Variants in DAW1 observed in about 807,000 individuals in gnomAD.
DAW1 encodes the protein dynein assembly factor with WD repeat domains 1.
In DAW1, 47 loss-of-function variants were observed where a neutral mutation model predicts 56.5. That is an observed-to-expected ratio of 0.83 (90% CI 0.66 to 1.06). DAW1 has a LOEUF of 1.06. DAW1 is among the 50% of genes least tolerant of loss of function. DAW1 has a pLI of 0.00. For missense variants in DAW1, 505 were observed against 499.3 expected, an observed-to-expected ratio of 1.01 and a Z score of -0.11; for synonymous variants, 190 against 179.0, an observed-to-expected ratio of 1.06 and a Z score of -0.49.
At chr2:227,872,830 C>A (rs1349371722) in intron 1 of DAW1, among the ~76,000 whole-genome samples, 1 of 152,138 alleles carries the variant, frequency 6.6e-6, no homozygotes, top group Non-Finnish European at 1.5e-5. Context: ...CCTAGTCCAA[C>A]CCTCCATTCC....
chr2:227,888,431 T>G (rs1691179816), intron 2 of DAW1, among the ~76,000 whole-genome samples: 1 of 152,218 alleles, frequency 6.6e-6, no homozygotes, highest in Non-Finnish European at 1.5e-5. Flanking sequence ...CTGACCTCGA[T>G]GAAGAAGGCG....
intron 2 of DAW1, among the ~76,000 whole-genome samples, chr2:227,889,044 T>C (rs1018446078): frequency 2.6e-5 from 4 of 152,170 alleles, no homozygotes; most frequent in African/African-American, 9.7e-5. Flanking sequence ...AAAATAATTA[T>C]GATAAAAGCA....
At chr2:227,887,923 G>A (rs1440740406) in intron 2 of DAW1, among the ~76,000 whole-genome samples, 5 of 152,194 alleles carry the variant, frequency 3.3e-5, no homozygotes, top group Non-Finnish European at 2.9e-5. Flanking sequence ...GGGTTGGAGC[G>A]TGTAGATTAT....
intron 5 of DAW1, among the ~76,000 whole-genome samples, chr2:227,894,452 A>G (rs1574656393): frequency 6.6e-6 from 1 of 152,100 alleles, no homozygotes; most frequent in Non-Finnish European, 1.5e-5. Flanking sequence ...TATGCTTCCA[A>G]GGATCGCACG....
At position 227,889,992 on chromosome 2, in the gene DAW1, C is replaced by G. The variant is rs927205318; in HGVS notation, c.250C>G (p.Leu84Val). ...CCAGAACAGCAATCACACGTTCTAT[C>G]TTTTTAAGGTAATGGATTTAAAAAC... Reference protein sequence around the residue: ...LGQNSNHTFYLFKVLKAHILP... With the variant: ...LGQNSNHTFYVFKVLKAHILP... The change falls in exon 3 of 13, where the codon CTT becomes GTT. Residue 84 changes from leucine to valine, a missense_variant. Transcript: ENST00000309931. The G allele has an allele frequency of 1.1e-5, 17 of 1,578,808 alleles. No individual in the cohort carries two copies. Among genetic ancestry groups the G allele is most frequent in the Non-Finnish European group, 1.5e-5 (17 of 1,167,210 alleles).
intron 1 of DAW1, 31 bp downstream of exon 1, chr2:227,871,760 C>G (rs749939534): frequency 6.2e-7 from 1 of 1,613,250 alleles, no homozygotes; most frequent in Non-Finnish European, 8.5e-7. Flanking sequence ...GTCATCCCCA[C>G]GTGGGACCCT....
chr2:227,897,729 C>T (rs1021395434), intron 5 of DAW1, among the ~76,000 whole-genome samples: 2 of 152,112 alleles, frequency 1.3e-5, no homozygotes, highest in African/African-American at 4.8e-5. Flanking sequence ...GGACAAGCAC[C>T]GTCTAAATTC....
chr2:227,911,338 A>G (rs944587036), intron 10 of DAW1, among the ~76,000 whole-genome samples: 27 of 139,274 alleles, frequency 1.9e-4, no homozygotes, highest in African/African-American at 6.2e-4. Flanking sequence ...ACATGTGTAT[A>G]TATACACATG....
chr2:227,875,454 C>T (rs915721365), intron 1 of DAW1, among the ~76,000 whole-genome samples: 1 of 152,136 alleles, frequency 6.6e-6, no homozygotes, highest in African/African-American at 2.4e-5. Context: ...CTGTTGCTTC[C>T]CTGACCTCAC....
intron 10 of DAW1, among the ~76,000 whole-genome samples, chr2:227,909,449 T>C (rs1415776676): frequency 2.0e-5 from 3 of 149,622 alleles, no homozygotes; most frequent in East Asian, 1.9e-4. Context: ...AGTATATAAA[T>C]ACACACACAC....
chr2:227,904,936 C>G lies in DAW1; in HGVS notation c.656C>G (p.Ser219Cys). ...TATCTGCTCTTTTTCTAGGGACATT[C>G]TGCCGAAATCATCTCCTTGTCATTT... ...GEEVYTLRGHSAEIISLSFNT... is the reference protein window; with the variant it reads ...GEEVYTLRGHCAEIISLSFNT... Residue 219 changes from serine (S) to cysteine (C), a missense_variant, in exon 8 of 13, where the codon TCT becomes TGT. Coordinates refer to ENST00000309931, the MANE Select transcript of DAW1 (RefSeq NM_178821.3). The G allele has an allele frequency of 6.2e-7, 1 of 1,612,558 alleles. No homozygotes were observed. The highest frequency in any genetic ancestry group is 8.5e-7 in the Non-Finnish European group (1 of 1,179,184).
At chr2:227,921,263 G>T (rs1692099769) in intron 11 of DAW1, 136 bp from the exon 12 acceptor site, 2 of 922,492 alleles carry the variant, frequency 2.2e-6, no homozygotes, top group East Asian at 2.7e-5. Flanking sequence ...TTCTATGCAA[G>T]AATAAATACC....
rs556409280 is a variant in DAW1, at chr2:227,921,305, C to CTTTTTTTTTT, written c.1051-75_1051-66dup. ...GGAAGGTGACATGTGCTGTAATGTC[C>CTTTTTTTTTT]TTTTTTTTTTTTTTTTTTTTTTTTT... On this transcript the variant is annotated intron_variant, in intron 11 of 12. Transcript: ENST00000309931. The CTTTTTTTTTT allele has an allele frequency of 1.1e-4, 50 of 436,388 alleles. 3 individuals are homozygous for CTTTTTTTTTT. The African/African-American group carries it at 2.0e-3, about 17-fold the overall frequency. 27.0% of individuals were successfully genotyped at this position (436,388 alleles called of 1,614,324 possible).
intron 10 of DAW1, among the ~76,000 whole-genome samples, chr2:227,913,242 T>C (rs1691872419): frequency 6.6e-6 from 1 of 152,208 alleles, no homozygotes; most frequent in South Asian, 2.1e-4. Flanking sequence ...TGTTAAAACA[T>C]GACTACATAA....
At chr2:227,874,845 C>T (rs62190055) in intron 1 of DAW1, among the ~76,000 whole-genome samples, 3,772 of 152,156 alleles carry the variant, frequency 0.025, 77 homozygotes, top group Non-Finnish European at 0.041. Flanking sequence ...GGTCTGTAAT[C>T]CCAGCTACTC....
At chr2:227,917,178 G>GTCTGTCTA (rs1213835924) in intron 10 of DAW1, among the ~76,000 whole-genome samples, 3 of 133,422 alleles carry the variant, frequency 2.2e-5, no homozygotes, top group South Asian at 2.3e-4. Flanking sequence ...CTGTCTGTCT[G>GTCTGTCTA]TCTATCTATG....
At position 227,904,913 on chromosome 2, in the gene DAW1, T is replaced by G; in HGVS notation, c.649-16T>G. ...TTATCTGCAGGTATACTTGACAGTATCTGCTCTTTTTCTAGGGACATTCTG... is the reference window on the plus strand; with the variant it reads ...TTATCTGCAGGTATACTTGACAGTAGCTGCTCTTTTTCTAGGGACATTCTG... On this transcript the variant is annotated splice_polypyrimidine_tract_variant and intron_variant, in intron 7 of 12. Coordinates refer to ENST00000309931, the MANE Select transcript of DAW1 (RefSeq NM_178821.3). The G allele has an allele frequency of 6.2e-7, 1 of 1,604,778 alleles. No individual in the cohort carries two copies. Among genetic ancestry groups the G allele is most frequent in the Non-Finnish European group, 8.5e-7 (1 of 1,172,560 alleles).
chr2:227,920,686 AT>A (rs992056276), intron 11 of DAW1, among the ~76,000 whole-genome samples: 3 of 151,304 alleles, frequency 2.0e-5, no homozygotes, highest in African/African-American at 4.9e-5. Flanking sequence ...ATTTTTTATT[AT>A]TTTTTTTGAG....
chr2:227,892,275 G>C (rs1691283248), intron 4 of DAW1, among the ~76,000 whole-genome samples: 1 of 152,050 alleles, frequency 6.6e-6, no homozygotes, highest in Non-Finnish European at 1.5e-5. Context: ...TGGGATTACA[G>C]GTGCCTGCCA....
Sources: gnomAD v4.1 joint callset for allele counts (sites outside exome capture counted in the v4.1 genomes callset) on GRCh38, gnomAD v4.1.1 for gene constraint, MANE v1.5 for transcripts, NCBI Gene and HGNC (gene_info 2026-07-23, HGNC 2026-07-21) for gene names.